The following CAMK2B variants were observed in gnomAD, a reference collection of about 807,000 sequenced individuals.
The protein encoded by CAMK2B is calcium/calmodulin-dependent protein kinase type II subunit beta.
A neutral mutation model predicts 93.7 loss-of-function variants in CAMK2B; 27 were observed. The observed-to-expected ratio is 0.29, with a 90% CI of 0.21 to 0.40. CAMK2B has a LOEUF of 0.40. Ranked by LOEUF, CAMK2B falls within the 10% of genes least tolerant of loss-of-function variation. The probability of loss-of-function intolerance (pLI) is 1.00; values close to 1 mark genes in which losing one functional copy is unlikely to be tolerated. For synonymous variants in CAMK2B, 374 were observed against 358.8 expected (o/e 1.04, Z -0.48); for missense variants, 568 against 895.8 (o/e 0.63, Z 4.67).
chr7:44,269,445 G>A (rs2096952062), intron 2 of CAMK2B, among the ~76,000 whole-genome samples: 1 of 152,218 alleles, frequency 6.6e-6, no homozygotes, highest in South Asian at 2.1e-4. Context: ...CCAAGAAGGG[G>A]TCCGGGATGG....
chr7:44,222,697 G>C (rs1475362793), intron 20 of CAMK2B, among the ~76,000 whole-genome samples: 1 of 152,154 alleles, frequency 6.6e-6, no homozygotes, highest in Non-Finnish European at 1.5e-5. Context: ...GCCCACCTCG[G>C]CCTCCCAAAG....
chr7:44,240,082 G>C (rs1483023579), intron 12 of CAMK2B, among the ~76,000 whole-genome samples: 1 of 152,110 alleles, frequency 6.6e-6, no homozygotes, highest in African/African-American at 2.4e-5. Flanking sequence ...ACGGAGTGTC[G>C]GACGACGGAG....
intron 5 of CAMK2B, among the ~76,000 whole-genome samples, chr7:44,249,523 C>G (rs1394097517): frequency 6.6e-6 from 1 of 152,180 alleles, no homozygotes; most frequent in African/African-American, 2.4e-5. Flanking sequence ...CTGGGAAGGG[C>G]ATAGATCTTG....
chr7:44,237,187 A>G (rs1307160557), intron 13 of CAMK2B, among the ~76,000 whole-genome samples: 1 of 152,218 alleles, frequency 6.6e-6, no homozygotes, highest in Non-Finnish European at 1.5e-5. Context: ...TTCTCACAGG[A>G]AAGGAGGCAC....
intron 2 of CAMK2B, among the ~76,000 whole-genome samples, chr7:44,278,621 G>A (rs1179198279): frequency 2.0e-5 from 3 of 152,228 alleles, no homozygotes; most frequent in Admixed American, 6.5e-5. Context: ...ACTGAGATGG[G>A]TGGTGAGTGC....
intron 19 of CAMK2B, among the ~76,000 whole-genome samples, chr7:44,227,874 G>T (rs1360381791): frequency 7.9e-6 from 1 of 126,212 alleles, no homozygotes; most frequent in African/African-American, 2.9e-5. Flanking sequence ...GGGAATTTGG[G>T]GGACAGAGGG....
chr7:44,220,122 G>C lies in CAMK2B; in HGVS notation c.1941C>G (p.Asp647Glu). The change falls in exon 23 of 24, where the codon GAC (aspartate) becomes GAG (glutamate). Residue 647 changes from aspartate to glutamate, a missense_variant. Coordinates refer to ENST00000395749, the MANE Select transcript of CAMK2B (RefSeq NM_001220.5). ...SEETRVWHRR[D>E]GKWQNVHFHC... The stretch of plus-strand genomic sequence containing the variant: ...GGAAGTGCACGTTCTGCCACTTGCC[G>C]TCGCGGCGGTGCCACACGCGGGTCT... 1 of 1,611,434 alleles carries C rather than the reference G, an allele frequency of 6.2e-7. No homozygotes were observed. Among genetic ancestry groups the C allele is most frequent in the East Asian group, 2.2e-5 (1 of 44,862 alleles).
chr7:44,234,709 T>G, intron 13 of CAMK2B, 33 bp from the exon 14 acceptor site: 5 of 1,612,116 alleles, frequency 3.1e-6, no homozygotes, highest in Non-Finnish European at 4.2e-6. Context: ...GTATGGTGAG[T>G]GATGGGCCTG....
At chr7:44,291,617 C>T (rs948729038) in intron 1 of CAMK2B, among the ~76,000 whole-genome samples, 15 of 152,236 alleles carry the variant, frequency 9.9e-5, no homozygotes, top group Non-Finnish European at 1.5e-4. Context: ...TTTAACATCA[C>T]TTCACACACG....
chr7:44,254,655 C>T (rs2096815735), intron 4 of CAMK2B, 48 bp from the exon 5 acceptor site: 1 of 1,308,304 alleles, frequency 7.6e-7, no homozygotes, highest in Non-Finnish European at 1.1e-6. Flanking sequence ...ACCCCTGTCA[C>T]ACTGCACTGT....
rs1038255486 is a variant in CAMK2B at position 44,224,521 on chromosome 7, G to C, written c.1597+1995C>G. Among the ~76,000 whole-genome samples, 17 of 152,202 alleles carry C rather than the reference G, an allele frequency of 1.1e-4. No homozygotes were observed. Among genetic ancestry groups the C allele is most frequent in the African/African-American group, 4.1e-4 (17 of 41,450 alleles). On this transcript the variant is annotated intron_variant, in intron 20 of 23. Transcript: ENST00000395749. This position sits in a 1 kb window ranked among gnomAD's most constrained non-coding sequence, Gnocchi z 4.4. The stretch of plus-strand genomic sequence containing the variant: ...GAGCCTCTGCAAGTCAGGCCTTCCA[G>C]GTGCCCTGACATGAACAGGAGCCTT...
rs1231993132 is a variant in CAMK2B, at chr7:44,224,452, G to A, written c.1597+2064C>T. On this transcript the variant is annotated intron_variant, in intron 20 of 23. Coordinates refer to ENST00000395749, the MANE Select transcript of CAMK2B (RefSeq NM_001220.5). This position sits in a 1 kb window ranked among gnomAD's most constrained non-coding sequence, Gnocchi z 4.4. ...CTGGCAGTTCCAGAGACAAAGGGGAGGTGGTGGGCAGGGCCTGGGCTTGGA... is the reference window on the plus strand; with the variant it reads ...CTGGCAGTTCCAGAGACAAAGGGGAAGTGGTGGGCAGGGCCTGGGCTTGGA... Among the ~76,000 whole-genome samples the A allele has an allele frequency of 6.6e-6, 1 of 152,254 alleles. No individual in the cohort carries two copies. The highest frequency in any genetic ancestry group is 2.4e-5 in the African/African-American group (1 of 41,470).
chr7:44,239,526 G>C lies in CAMK2B; in HGVS notation c.1021+63C>G. The C allele has an allele frequency of 2.9e-6, 4 of 1,400,640 alleles. No individual in the cohort carries two copies. In the Admixed American group the frequency reaches 7.9e-5, roughly 28 times the overall value. The allele number at this position is 1,400,640 out of a possible 1,614,324, so 86.8% of individuals were successfully genotyped here. A position where few individuals can be genotyped will look rare whatever the true frequency, so the allele number is the denominator to read the frequency against. On this transcript the variant is annotated intron_variant, in intron 13 of 23. Coordinates refer to ENST00000395749, the MANE Select transcript of CAMK2B (RefSeq NM_001220.5). Reference sequence around the variant, plus strand: ...CCGGCCAGCGGCTGCGTGCAGCAGGGGGCTGCATGCTGGCAGGAGGGACGG... The same window carrying C: ...CCGGCCAGCGGCTGCGTGCAGCAGGCGGCTGCATGCTGGCAGGAGGGACGG...
rs924341961 is a variant in CAMK2B at position 44,286,780 on chromosome 7, G to A, written c.66-2555C>T. On this transcript the variant is annotated intron_variant, in intron 1 of 23. Transcript: ENST00000395749. This position sits in a 1 kb window ranked among gnomAD's most constrained non-coding sequence, Gnocchi z 4.0. ...GGGAAGGCGGGGGCAGGGAACACAGGTAAGACTGCCAGAGCCAGGGGGCCA... is the reference window on the plus strand; with the variant it reads ...GGGAAGGCGGGGGCAGGGAACACAGATAAGACTGCCAGAGCCAGGGGGCCA... 3.9e-5 allele frequency among the ~76,000 whole-genome samples: 6 copies of A among 152,218 alleles called. No individual in the cohort carries two copies. Among genetic ancestry groups the A allele is most frequent in the Admixed American group, 2.6e-4 (4 of 15,288 alleles).
chr7:44,272,767 C>T (rs1216760035), intron 2 of CAMK2B, among the ~76,000 whole-genome samples: 1 of 152,244 alleles, frequency 6.6e-6, no homozygotes, highest in Non-Finnish European at 1.5e-5. Context: ...AGGCTACACA[C>T]TGGGGGGTCC....
At chr7:44,276,332 C>T (rs191758665) in intron 2 of CAMK2B, among the ~76,000 whole-genome samples, 7 of 152,302 alleles carry the variant, frequency 4.6e-5, no homozygotes, top group Admixed American at 1.3e-4. Context: ...CACTCATTAT[C>T]CCCCTGAGCA....
chr7:44,283,507 AC>A (rs1784283405), intron 2 of CAMK2B, among the ~76,000 whole-genome samples: 1 of 152,070 alleles, frequency 6.6e-6, no homozygotes, highest in South Asian at 2.1e-4. Flanking sequence ...CCTCGCACAC[AC>A]CCTGCACGTC....
At chr7:44,308,815 T>C (rs1584864084) in intron 1 of CAMK2B, among the ~76,000 whole-genome samples, 2 of 152,144 alleles carry the variant, frequency 1.3e-5, no homozygotes, top group South Asian at 4.1e-4. Flanking sequence ...CATCAGGCGG[T>C]GTGCGAGCCC....
At position 44,226,540 on chromosome 7, in the gene CAMK2B, T is replaced by C. The variant is rs1462662820; in HGVS notation, c.1573A>G (p.Ile525Val). Residue 525 changes from isoleucine to valine, a missense_variant, in exon 20 of 24, where the codon ATC (isoleucine) becomes GTC (valine). Physicochemically the swap from Ile to Val is conservative, Grantham distance 29 (BLOSUM62 3). Coordinates refer to ENST00000395749, the MANE Select transcript of CAMK2B (RefSeq NM_001220.5). Reference sequence around the variant, plus strand: ...CATGGGGTGGGCAGGGGGCCAGGGATAGTCGGAGATGGGCAGGGCGGGGGC... The same window carrying C: ...CATGGGGTGGGCAGGGGGCCAGGGACAGTCGGAGATGGGCAGGGCGGGGGC... ...VGPPPCPSPT[I>V]PGPLPTPSRK... is the part of the protein sequence containing the mutation. 4.1e-6 allele frequency: 6 copies of C among 1,466,902 alleles called. No homozygotes were observed. Among genetic ancestry groups the C allele is most frequent in the African/African-American group, 3.0e-5 (2 of 67,366 alleles). 90.9% of individuals were successfully genotyped at this position (1,466,902 alleles called of 1,614,324 possible).
Sources: gnomAD v4.1 joint callset for allele counts (sites outside exome capture counted in the v4.1 genomes callset) on GRCh38, gnomAD v4.1.1 for gene constraint, Gnocchi (gnomAD v3.1) non-coding constraint, MANE v1.5 for transcripts, NCBI Gene and HGNC (gene_info 2026-07-23, HGNC 2026-07-21) for gene names.